EHMT1: variants seen among roughly 807,000 people sequenced by gnomAD.
EHMT1 encodes the protein euchromatic histone lysine methyltransferase 1, also known as histone-lysine N-methyltransferase EHMT1.
Under a neutral mutation model 147.2 loss-of-function variants are expected in EHMT1, and 15 were observed. That is an observed-to-expected ratio of 0.10 (90% CI 0.07 to 0.16). The LOEUF is 0.16. Ranked by LOEUF, EHMT1 falls within the 10% of genes least tolerant of loss-of-function variation. The probability of loss-of-function intolerance (pLI) is 1.00; values close to 1 mark genes in which losing one functional copy is unlikely to be tolerated. For synonymous variants in EHMT1, 795 were observed against 709.6 expected, an observed-to-expected ratio of 1.12 and a Z score of -1.91; for missense variants, 1,587 against 1,772.4, an observed-to-expected ratio of 0.90 and a Z score of 1.88.
rs1368759453 is a variant in EHMT1, at chr9:137,762,715, C to A, written c.1542C>A (p.Leu514=). Residue 514 remains leucine (L), a synonymous_variant, in exon 10 of 27, where the codon CTC becomes CTA. Transcript: ENST00000460843. ...NGPDVLETDG[L]QEVPLCSCRM... is the part of the protein sequence containing the mutation. ...CAGATGTGCTGGAGACAGACGGCCT[C>A]CAGGAAGTGCCTCTCTGCAGCTGCC... 6.2e-7 allele frequency: 1 copy of A among 1,614,218 alleles called. No individual in the cohort carries two copies. The highest frequency in any genetic ancestry group is 8.5e-7 in the Non-Finnish European group (1 of 1,180,040).
intron 4 of EHMT1, among the ~76,000 whole-genome samples, chr9:137,734,536 G>T (rs1947371872): frequency 6.6e-6 from 1 of 152,212 alleles, no homozygotes; most frequent in East Asian, 1.9e-4. Flanking sequence ...GGGAGTCCAG[G>T]AAGAAGAGAG....
At chr9:137,767,704 T>G (rs1564723618) in intron 10 of EHMT1, among the ~76,000 whole-genome samples, 2 of 152,070 alleles carry the variant, frequency 1.3e-5, no homozygotes, top group Non-Finnish European at 2.9e-5. Context: ...TCCGAGCTAC[T>G]TGGGAGGCTG....
chr9:137,762,853 C>G, intron 10 of EHMT1, 33 bp downstream of exon 10: 2 of 1,612,898 alleles, frequency 1.2e-6, no homozygotes, highest in Non-Finnish European at 1.7e-6. Flanking sequence ...AAAGCAGCCA[C>G]GAGGAGTGAG....
chr9:137,766,732 A>G (rs1413258789), intron 10 of EHMT1, among the ~76,000 whole-genome samples: 2 of 152,088 alleles, frequency 1.3e-5, no homozygotes, highest in Non-Finnish European at 2.9e-5. Flanking sequence ...CATTTTCTAC[A>G]CTTTTGCTTT....
chr9:137,647,816 C>T (rs541032341), intron 1 of EHMT1, among the ~76,000 whole-genome samples: 10 of 152,074 alleles, frequency 6.6e-5, no homozygotes, highest in South Asian at 4.2e-4. Context: ...AGGCTGGTCT[C>T]GAACTCCTGA....
intron 1 of EHMT1, among the ~76,000 whole-genome samples, chr9:137,664,372 A>G (rs940097474): frequency 6.6e-6 from 1 of 151,350 alleles, no homozygotes; most frequent in Non-Finnish European, 1.5e-5. Flanking sequence ...GCTCACTGCA[A>G]CCTCAGCCTT....
At chr9:137,651,704 A>G (rs927862068) in intron 1 of EHMT1, among the ~76,000 whole-genome samples, 1 of 152,164 alleles carries the variant, frequency 6.6e-6, no homozygotes, top group African/African-American at 2.4e-5. Flanking sequence ...CTGAGGCAGG[A>G]GAAATGCTTG....
At chr9:137,758,366 G>A (rs556766552) in intron 9 of EHMT1, among the ~76,000 whole-genome samples, 3 of 152,228 alleles carry the variant, frequency 2.0e-5, no homozygotes, top group Non-Finnish European at 2.9e-5. Context: ...GTTGAATAAG[G>A]TGTCTCTGAT....
intron 1 of EHMT1, among the ~76,000 whole-genome samples, chr9:137,680,334 G>T (rs1208735332): frequency 6.6e-6 from 1 of 152,140 alleles, no homozygotes; most frequent in Non-Finnish European, 1.5e-5. Flanking sequence ...TTAGCCAGGT[G>T]TGGTGGTGCA....
intron 8 of EHMT1, 93 bp from the exon 9 acceptor site, chr9:137,757,787 T>C (rs1017092495): frequency 1.3e-6 from 2 of 1,595,992 alleles, no homozygotes; most frequent in Admixed American, 1.7e-5. Flanking sequence ...AAGTAGTCCA[T>C]TTCCTGGGGC....
chr9:137,824,777 C>T (rs1036269063), intron 25 of EHMT1, among the ~76,000 whole-genome samples: 1 of 152,176 alleles, frequency 6.6e-6, no homozygotes, highest in Non-Finnish European at 1.5e-5. Flanking sequence ...TAAATTTCAT[C>T]TTCCAGTTGT....
chr9:137,834,327 G>A (rs1475497155), intron 25 of EHMT1, 22 bp from the exon 26 acceptor site: 2 of 1,602,704 alleles, frequency 1.2e-6, no homozygotes, highest in Non-Finnish European at 1.7e-6. Flanking sequence ...ACTGCAGCCC[G>A]TGCCGGCTTC....
intron 4 of EHMT1, among the ~76,000 whole-genome samples, chr9:137,734,736 C>T (rs1183487019): frequency 6.6e-6 from 1 of 152,184 alleles, no homozygotes; most frequent in Non-Finnish European, 1.5e-5. Flanking sequence ...CACGTTTCCT[C>T]AGTGAGATCA....
rs377123084 is a variant in EHMT1 at position 137,817,507 on chromosome 9, C to T, written c.3443C>T (p.Pro1148Leu). ...GTGCGGTCCCTGCAGGACATCCCAC[C>T]AGGCACCTTTGTCTGCGAGTGAGTG... Reference protein sequence around the residue: ...WGVRSLQDIPPGTFVCEYVGE... With the variant: ...WGVRSLQDIPLGTFVCEYVGE... The change falls in exon 24 of 27, where the codon CCA becomes CTA. Residue 1148 changes from proline (P) to leucine (L), a missense_variant. This residue lies in a region of EHMT1 where 156 missense variants were observed against 252.5 expected (regional missense o/e 0.62). Coordinates refer to ENST00000460843, the MANE Select transcript of EHMT1 (RefSeq NM_024757.5). The T allele has an allele frequency of 1.2e-6, 2 of 1,614,082 alleles. No homozygotes were observed. Among genetic ancestry groups the T allele is most frequent in the East Asian group, 2.2e-5 (1 of 44,894 alleles).
Position 137,744,087 on chromosome 9 carries a change from G to C in EHMT1, c.1167G>C (p.Gln389His). 6.2e-7 allele frequency: 1 copy of C among 1,614,080 alleles called. No individual in the cohort carries two copies. ...GCATGTCGGAGGCTGATCGCGCCCA[G>C]AAGGTATGTGTTGCTGTCTTGGGTG... is the stretch of plus-strand genomic sequence containing the variant. ...KESMSEADRA[Q>H]KMDGESEEEQ... The change falls in exon 6 of 27, where the codon CAG becomes CAC. Residue 389 changes from glutamine to histidine, a missense_variant. Physicochemically the swap from Gln to His is conservative, Grantham distance 24 (BLOSUM62 0). Around this residue, in one of 7 missense-constraint regions of EHMT1, gnomAD observed 810 missense variants for 673.0 expected, o/e 1.20. Coordinates refer to ENST00000460843, the MANE Select transcript of EHMT1 (RefSeq NM_024757.5).
chr9:137,702,771 G>GTAGA (rs1159341411), intron 1 of EHMT1, among the ~76,000 whole-genome samples: 2 of 152,236 alleles, frequency 1.3e-5, no homozygotes, highest in East Asian at 3.8e-4. Flanking sequence ...CACTGCCCTA[G>GTAGA]TAGAGGCTCT....
chr9:137,784,332 G>C (rs989881406), intron 15 of EHMT1: 1 of 1,302,066 alleles, frequency 7.7e-7, no homozygotes, highest in Non-Finnish European at 9.8e-7. Flanking sequence ...CCTCTTAAAG[G>C]CCCAGCCTCA....
At chr9:137,801,994 G>C (rs1040968934) in intron 18 of EHMT1, among the ~76,000 whole-genome samples, 1 of 152,220 alleles carries the variant, frequency 6.6e-6, no homozygotes, top group Admixed American at 6.5e-5. Flanking sequence ...TCTAGGATGT[G>C]ATTTAAGATG....
chr9:137,815,434 C>G (rs962050253), intron 22 of EHMT1: 1 of 219,374 alleles, frequency 4.6e-6, no homozygotes, highest in Non-Finnish European at 9.2e-6. Context: ...AGCCCTGGGC[C>G]CCGCGCCTCA....
Sources: allele counts gnomAD v4.1 joint callset (sites outside exome capture counted in the v4.1 genomes callset), GRCh38; gene constraint gnomAD v4.1.1; regional missense constraint gnomAD v4.1.1; transcripts MANE v1.5; gene names NCBI Gene and HGNC (gene_info 2026-07-23, HGNC 2026-07-21).